ITGB2: variants seen among roughly 807,000 people sequenced by gnomAD.
The protein encoded by ITGB2 is integrin beta-2.
A neutral mutation model predicts 86.8 loss-of-function variants in ITGB2; 56 were observed. The ratio of observed to expected loss-of-function variants is 0.65; its 90% confidence interval spans 0.52 to 0.81. ITGB2 has a LOEUF of 0.81. Among genes scored for constraint, ITGB2 ranks in the 30% least tolerant of loss-of-function variants. The pLI is 0.00. For missense variants in ITGB2, 948 were observed against 1,061.2 expected (o/e 0.89, Z 1.48); for synonymous variants, 457 against 450.4 (o/e 1.01, Z -0.19).
chr21:44,897,530 C>T (rs999150534), intron 8 of ITGB2, among the ~76,000 whole-genome samples: 3 of 152,188 alleles, frequency 2.0e-5, no homozygotes, highest in Non-Finnish European at 4.4e-5. Context: ...CTGTGAATTC[C>T]CTGAGTGGGT....
chr21:44,900,004 TG>T (rs2083926414), intron 7 of ITGB2, among the ~76,000 whole-genome samples: 2 of 152,000 alleles, frequency 1.3e-5, no homozygotes, highest in Non-Finnish European at 2.9e-5. Context: ...AGCCGTAGCC[TG>T]GGGGCGGTTA....
At chr21:44,901,938 G>A (rs2083966025) in intron 5 of ITGB2, 1 of 609,538 alleles carries the variant, frequency 1.6e-6, no homozygotes, top group Admixed American at 3.0e-5. Flanking sequence ...TGTGAACCTG[G>A]GAGTGTGCAA....
At chr21:44,916,633 T>C (rs7281781) in intron 1 of ITGB2, among the ~76,000 whole-genome samples, 21,100 of 152,018 alleles carry the variant, frequency 0.14, 1,845 homozygotes, top group East Asian at 0.39. Context: ...TTTGGGAGGC[T>C]GAGGCAGGCG....
intron 14 of ITGB2, among the ~76,000 whole-genome samples, chr21:44,887,765 A>G (rs575881340): frequency 1.4e-4 from 22 of 152,286 alleles, no homozygotes; most frequent in Admixed American, 4.6e-4. Context: ...AGTGGCCCGC[A>G]GGGGTTCCTG....
At chr21:44,903,880 G>A (rs1025985060) in intron 4 of ITGB2, among the ~76,000 whole-genome samples, 2 of 152,126 alleles carry the variant, frequency 1.3e-5, no homozygotes, top group Non-Finnish European at 2.9e-5. Flanking sequence ...CCGGCCCCAT[G>A]CCTGCAGTCC....
chr21:44,919,022 C>CGTCCCCTCT (rs2084254718), intron 1 of ITGB2, among the ~76,000 whole-genome samples: 1 of 143,900 alleles, frequency 6.9e-6, no homozygotes, highest in Admixed American at 6.9e-5. Flanking sequence ...CACTCGGAGG[C>CGTCCCCTCT]ACCTGCAGTT....
At chr21:44,887,553 C>T (rs2146493036) in intron 14 of ITGB2, among the ~76,000 whole-genome samples, 1 of 152,046 alleles carries the variant, frequency 6.6e-6, no homozygotes, top group South Asian at 2.1e-4. Flanking sequence ...ACCCTCACTC[C>T]CTGTGGTTGC....
At chr21:44,925,566 C>A (rs1007326684), upstream of ITGB2, among the ~76,000 whole-genome samples, 1 of 152,194 alleles carries the variant, frequency 6.6e-6, no homozygotes, top group African/African-American at 2.4e-5. Context: ...CTAACCCTAA[C>A]CAGACTGACT....
At chr21:44,902,569 TTGGG>T (rs2083978124) in intron 5 of ITGB2, among the ~76,000 whole-genome samples, 1 of 142,884 alleles carries the variant, frequency 7.0e-6, no homozygotes, top group South Asian at 2.2e-4. Context: ...GCATTTGAGT[TTGGG>T]TGTGCTTTTG....
At chr21:44,914,499 C>T (rs1200916614) in intron 1 of ITGB2, among the ~76,000 whole-genome samples, 2 of 152,328 alleles carry the variant, frequency 1.3e-5, no homozygotes, top group African/African-American at 4.8e-5. Context: ...CCACACTTCA[C>T]GGTGAGCAAA....
intron 5 of ITGB2, among the ~76,000 whole-genome samples, chr21:44,902,299 CTGTGTGTGCA>C (rs905573699): frequency 1.5e-4 from 23 of 152,174 alleles, no homozygotes; most frequent in African/African-American, 3.9e-4. Context: ...GTGTGTATGA[CTGTGTGTGCA>C]TGTGTGTGCA....
chr21:44,903,558 A>G (rs1247433410), intron 4 of ITGB2, 23 bp from the exon 5 acceptor site: 11 of 1,613,214 alleles, frequency 6.8e-6, no homozygotes, highest in Admixed American at 1.7e-5. Context: ...ACAGAACAAA[A>G]GGAGCCACAC....
rs369682384 is a variant in ITGB2 at position 44,901,534 on chromosome 21, G to C, written c.699C>G (p.Pro233=). The C allele has an allele frequency of 1.9e-6, 3 of 1,614,226 alleles. No homozygotes were observed. Among genetic ancestry groups the C allele is most frequent in the South Asian group, 2.2e-5 (2 of 91,086 alleles). The change falls in exon 6 of 16, where the codon CCC becomes CCG. Residue 233 remains proline, a synonymous_variant. Coordinates refer to ENST00000652462, the MANE Select transcript of ITGB2 (RefSeq NM_000211.5). The part of the protein sequence containing the change: ...KQLISGNLDA[P]EGGLDAMMQV... The stretch of plus-strand genomic sequence containing the variant: ...GCATCATGGCGTCCAGCCCACCCTC[G>C]GGTGCATCCAGGTTTCCGGAAATCA...
intron 11 of ITGB2, among the ~76,000 whole-genome samples, chr21:44,891,176 C>G (rs909881237): frequency 2.0e-5 from 3 of 152,340 alleles, no homozygotes; most frequent in African/African-American, 7.2e-5. Flanking sequence ...ATCCAGCCCC[C>G]GGGCAGGCCG....
At chr21:44,895,887 TA>T (rs1568887135) in intron 8 of ITGB2, among the ~76,000 whole-genome samples, 3,255 of 124,266 alleles carry the variant, frequency 0.026, 47 homozygotes, top group South Asian at 0.04. Flanking sequence ...AAAAAATAAA[TA>T]AAATAAAATA....
chr21:44,919,947 G>A (rs741961), intron 1 of ITGB2, among the ~76,000 whole-genome samples: 12,099 of 152,250 alleles, frequency 0.079, 598 homozygotes, highest in Middle Eastern at 0.18. Context: ...ACCCAGGGGC[G>A]TGGCTTCAAT....
chr21:44,889,876 C>T lies in ITGB2; in HGVS notation c.1657+102G>A. 2.2e-5 allele frequency: 33 copies of T among 1,509,470 alleles called. 2 individuals carry two copies. Among genetic ancestry groups the T allele is most frequent in the South Asian group, 1.9e-4 (17 of 87,522 alleles). The allele number at this position is 1,509,470 out of a possible 1,614,324, so 93.5% of individuals were successfully genotyped here. ...GACTTGCACTGTCTGTCCTCAGGAT[C>T]CCCCCTTTCTGTTCCACTCGTTGAA... On this transcript the variant is annotated intron_variant, in intron 12 of 15. Coordinates refer to ENST00000652462, the MANE Select transcript of ITGB2 (RefSeq NM_000211.5).
At chr21:44,898,124 C>T (rs189781183) in intron 8 of ITGB2, among the ~76,000 whole-genome samples, 1 of 152,284 alleles carries the variant, frequency 6.6e-6, no homozygotes, top group Admixed American at 6.5e-5. Context: ...GGGCCCTGGA[C>T]AGTTTTCAGC....
chr21:44,889,566 C>T (rs1469705681), intron 12 of ITGB2, 71 bp from the exon 13 acceptor site: 23 of 1,359,044 alleles, frequency 1.7e-5, no homozygotes, highest in Admixed American at 5.9e-5. Flanking sequence ...AACCCCACTG[C>T]GGTTGCTCCC....
Sources: allele counts gnomAD v4.1 joint callset (sites outside exome capture counted in the v4.1 genomes callset), GRCh38; gene constraint gnomAD v4.1.1; transcripts MANE v1.5; gene names NCBI Gene and HGNC (gene_info 2026-07-23, HGNC 2026-07-21).